Variants in DYNAP observed in about 807,000 individuals in gnomAD.
DYNAP encodes the protein dynactin associated protein, also known as dynactin-associated protein.
Under a neutral mutation model 8.5 loss-of-function variants are expected in DYNAP, and 7 were observed. That is an observed-to-expected ratio of 0.82 (90% CI 0.47 to 1.54). DYNAP has a LOEUF of 1.54. Ranked by LOEUF, DYNAP falls within the 40% of genes most tolerant of loss-of-function variation. The pLI is 0.01. For synonymous variants in DYNAP, 77 were observed against 77.9 expected, an observed-to-expected ratio of 0.99 and a Z score of 0.06; for missense variants, 256 against 224.3, an observed-to-expected ratio of 1.14 and a Z score of -0.90.
At chr18:54,579,233 ATAATT>A in the DYNAP span, among the ~76,000 whole-genome samples, 1 of 152,248 alleles carries the variant, frequency 6.6e-6, no homozygotes, top group Non-Finnish European at 1.5e-5. Flanking sequence ...TTTCTGGAAT[ATAATT>A]TAATGAGTTA....
intron 2 of DYNAP, among the ~76,000 whole-genome samples, chr18:54,597,516 C>G (rs1911345642): frequency 1.3e-5 from 2 of 152,028 alleles, no homozygotes; most frequent in South Asian, 2.1e-4. Context: ...GTATTTCCTG[C>G]TTAGTTTTGC....
upstream of DYNAP, among the ~76,000 whole-genome samples, chr18:54,589,629 A>T (rs145566438): frequency 1.7e-3 from 263 of 152,232 alleles, 2 homozygotes; most frequent in African/African-American, 5.9e-3. Flanking sequence ...AGAGATGGTG[A>T]GGGTGAGACT....
chr18:54,586,661 A>G (rs1347950472), upstream of DYNAP, among the ~76,000 whole-genome samples: 1 of 152,152 alleles, frequency 6.6e-6, no homozygotes, highest in Non-Finnish European at 1.5e-5. Flanking sequence ...CACACTAGAC[A>G]CTAATAAATG....
chr18:54,584,292 A>T (rs1271831554), upstream of DYNAP, among the ~76,000 whole-genome samples: 7 of 148,378 alleles, frequency 4.7e-5, no homozygotes, highest in Non-Finnish European at 1.0e-4. Flanking sequence ...TTAATTAATA[A>T]TTAATATAAA....
the DYNAP span, among the ~76,000 whole-genome samples, chr18:54,579,821 A>T: frequency 6.6e-6 from 1 of 152,202 alleles, no homozygotes; most frequent in Non-Finnish European, 1.5e-5. Context: ...TAAATAAAAG[A>T]TTAGTTGCCT....
chr18:54,591,404 G>A, intron 1 of DYNAP, 65 bp downstream of exon 1: 3 of 1,530,974 alleles, frequency 2.0e-6, no homozygotes, highest in South Asian at 2.6e-5. Context: ...GCATTTAAAA[G>A]CAGTTTAATC....
In DYNAP at chr18:54,591,321, G is replaced by C. The variant is rs1911067266; in HGVS notation, c.39G>C (p.Glu13Asp). The change falls in exon 1 of 3, where the codon GAG (glutamate) becomes GAC (aspartate). Residue 13 changes from glutamate to aspartate, a missense_variant. By Grantham distance (45) the Glu-to-Asp change is conservative. Transcript: ENST00000648945. ...ATGGAAAATACATATTGAACGTTGA[G>C]CACTCTGAAAACCAGCCGGTGAGTG... ...RKHGKYILNV[E>D]HSENQPPITH... is the part of the protein sequence containing the mutation. 9.9e-6 allele frequency: 16 copies of C among 1,608,132 alleles called. No individual in the cohort carries two copies. The highest frequency in any genetic ancestry group is 1.4e-5 in the Non-Finnish European group (16 of 1,176,994).
upstream of DYNAP, among the ~76,000 whole-genome samples, chr18:54,588,402 A>T (rs1295211195): frequency 6.6e-6 from 1 of 151,874 alleles, no homozygotes; most frequent in East Asian, 1.9e-4. Flanking sequence ...ACAGGGTTTC[A>T]TTATGTTGGC....
intron 1 of DYNAP, among the ~76,000 whole-genome samples, chr18:54,594,224 A>G (rs1363332556): frequency 1.3e-5 from 2 of 152,082 alleles, no homozygotes; most frequent in South Asian, 2.1e-4. Context: ...CTGTTTTTAC[A>G]TTGCTCTATG....
chr18:54,583,193 G>C (rs1305773779), upstream of DYNAP, among the ~76,000 whole-genome samples: 1 of 152,144 alleles, frequency 6.6e-6, no homozygotes, highest in Non-Finnish European at 1.5e-5. Context: ...AAGACTATCT[G>C]TAGGTTTTCT....
At chr18:54,576,094 G>A in the DYNAP span, among the ~76,000 whole-genome samples, 1 of 152,124 alleles carries the variant, frequency 6.6e-6, no homozygotes, top group African/African-American at 2.4e-5. Context: ...TTATATATGT[G>A]TGTCCCTGTT....
chr18:54,594,869 G>A, intron 1 of DYNAP, 70 bp from the exon 2 acceptor site: 2 of 1,496,082 alleles, frequency 1.3e-6, no homozygotes, highest in African/African-American at 1.4e-5. Flanking sequence ...TTTGATAGAA[G>A]AATTTTATTT....
At chr18:54,589,206 C>T (rs923468882), upstream of DYNAP, among the ~76,000 whole-genome samples, 2 of 152,240 alleles carry the variant, frequency 1.3e-5, no homozygotes, top group East Asian at 1.9e-4. Flanking sequence ...AAAACAGCCT[C>T]CTCCCCTTGC....
upstream of DYNAP, among the ~76,000 whole-genome samples, chr18:54,590,679 TAA>T (rs905364465): frequency 6.6e-6 from 1 of 152,072 alleles, no homozygotes; most frequent in Non-Finnish European, 1.5e-5. Flanking sequence ...TTGACCAAAA[TAA>T]AAAAACCCTC....
intron 2 of DYNAP, among the ~76,000 whole-genome samples, chr18:54,595,683 C>G (rs1050876502): frequency 6.6e-6 from 1 of 152,114 alleles, no homozygotes; most frequent in Non-Finnish European, 1.5e-5. Flanking sequence ...GGTTCCTGAC[C>G]TCATGTCCTG....
intron 2 of DYNAP, 62 bp downstream of exon 2, chr18:54,595,165 T>G: frequency 6.9e-7 from 1 of 1,456,522 alleles, no homozygotes; most frequent in Non-Finnish European, 9.1e-7. Context: ...GCATGTACTT[T>G]GCCTATTCTT....
At chr18:54,589,540 G>A (rs1233147215), upstream of DYNAP, among the ~76,000 whole-genome samples, 1 of 152,090 alleles carries the variant, frequency 6.6e-6, no homozygotes, top group East Asian at 1.9e-4. Flanking sequence ...TCATTTTTAT[G>A]TTACTATTCC....
chr18:54,592,941 T>C (rs985675425), intron 1 of DYNAP, among the ~76,000 whole-genome samples: 1 of 152,174 alleles, frequency 6.6e-6, no homozygotes, highest in African/African-American at 2.4e-5. Context: ...CATTAAAATG[T>C]TCAGGTTCAT....
At chr18:54,589,909 C>T (rs1047132475), upstream of DYNAP, among the ~76,000 whole-genome samples, 19 of 152,044 alleles carry the variant, frequency 1.2e-4, no homozygotes, top group African/African-American at 4.6e-4. Context: ...ACCTTCAACC[C>T]ATGTTGGTCC....
Sources: allele counts gnomAD v4.1 joint callset (sites outside exome capture counted in the v4.1 genomes callset), GRCh38; gene constraint gnomAD v4.1.1; transcripts MANE v1.5; gene names NCBI Gene and HGNC (gene_info 2026-07-23, HGNC 2026-07-21).